Variants in XRCC4 observed in about 807,000 individuals in gnomAD.
The protein encoded by XRCC4 is DNA repair protein XRCC4.
XRCC4 carries 28 observed loss-of-function variants against 39.1 expected under a neutral mutation model. The observed-to-expected ratio is 0.72, with a 90% CI of 0.53 to 0.98. XRCC4 has a LOEUF of 0.98. Ranked by LOEUF, XRCC4 falls within the 50% of genes least tolerant of loss-of-function variation. The pLI, the probability that XRCC4 is intolerant of heterozygous loss-of-function variation, is 0.00. For synonymous variants in XRCC4, 123 were observed against 126.4 expected, an observed-to-expected ratio of 0.97 and a Z score of 0.18; for missense variants, 350 against 376.4, an observed-to-expected ratio of 0.93 and a Z score of 0.58.
intron 3 of XRCC4, among the ~76,000 whole-genome samples, chr5:83,173,852 T>G (rs1430234593): frequency 2.6e-5 from 4 of 152,202 alleles, no homozygotes; most frequent in African/African-American, 9.6e-5. Context: ...TACTTAGTAC[T>G]TAGAATCCCT....
chr5:83,199,003 T>C (rs972888359), intron 4 of XRCC4, among the ~76,000 whole-genome samples: 1 of 152,184 alleles, frequency 6.6e-6, no homozygotes, highest in Non-Finnish European at 1.5e-5. Flanking sequence ...CTCAGACCTC[T>C]ACTTAGAAAT....
chr5:83,250,012 A>AAAGC (rs1390118644), intron 6 of XRCC4, among the ~76,000 whole-genome samples: 13 of 152,178 alleles, frequency 8.5e-5, no homozygotes, highest in African/African-American at 3.1e-4. Flanking sequence ...AGTAAAATAA[A>AAAGC]AAGCAATGAA....
At chr5:83,130,429 C>A (rs1747511364) in intron 3 of XRCC4, among the ~76,000 whole-genome samples, 2 of 151,966 alleles carry the variant, frequency 1.3e-5, no homozygotes, top group Non-Finnish European at 2.9e-5. Flanking sequence ...CTAAAATTGT[C>A]TTTTTTTGGT....
chr5:83,142,224 A>T (rs891737217), intron 3 of XRCC4, among the ~76,000 whole-genome samples: 1 of 152,144 alleles, frequency 6.6e-6, no homozygotes, highest in Non-Finnish European at 1.5e-5. Context: ...GCTGTACGTG[A>T]TACTCTGCCC....
intron 7 of XRCC4, among the ~76,000 whole-genome samples, chr5:83,341,940 A>G (rs541452147): frequency 6.6e-6 from 1 of 152,308 alleles, no homozygotes; most frequent in Admixed American, 6.5e-5. Context: ...AGAGGCTTCT[A>G]GGCTAGTGAG....
chr5:83,356,919 G>A (rs571318080), downstream of XRCC4, among the ~76,000 whole-genome samples: 1 of 151,944 alleles, frequency 6.6e-6, no homozygotes, highest in Non-Finnish European at 1.5e-5. Context: ...CATTACAGAA[G>A]TTAATGAAAG....
intron 1 of XRCC4, among the ~76,000 whole-genome samples, chr5:83,094,498 C>G (rs73138171): frequency 6.6e-6 from 1 of 150,402 alleles, no homozygotes; most frequent in African/African-American, 2.5e-5. Context: ...CTCACTGATT[C>G]TTTCTTCAGC....
Position 83,094,083 on chromosome 5 carries a change from C to T in XRCC4, c.-10-10827C>T, listed in dbSNP as rs75217401. Among the ~76,000 whole-genome samples the T allele has an allele frequency of 3.0e-3, 449 of 152,110 alleles. 12 individuals carry two copies. The East Asian group carries it at 0.074, about 25-fold the overall frequency. On this transcript the variant is annotated intron_variant, in intron 1 of 7. Transcript: ENST00000396027. ...TGATAGTTTGATAATTACATGTTAT[C>T]GTCAACTCCTCTTTGGTTTGAATTT...
chr5:83,135,997 A>G (rs1747879594), intron 3 of XRCC4, among the ~76,000 whole-genome samples: 1 of 152,120 alleles, frequency 6.6e-6, no homozygotes, highest in Non-Finnish European at 1.5e-5. Flanking sequence ...GTATATTCCT[A>G]TACACTTTTG....
At chr5:83,237,216 C>A (rs1752724524) in intron 6 of XRCC4, among the ~76,000 whole-genome samples, 1 of 151,994 alleles carries the variant, frequency 6.6e-6, no homozygotes, top group Non-Finnish European at 1.5e-5. Flanking sequence ...TGGGTATATA[C>A]CTAAAAGAAA....
At chr5:83,208,482 G>C (rs910275839) in intron 6 of XRCC4, among the ~76,000 whole-genome samples, 6 of 152,038 alleles carry the variant, frequency 3.9e-5, no homozygotes, top group African/African-American at 1.4e-4. Flanking sequence ...TCCAGAAGTA[G>C]AGTAGGGGTA....
chr5:83,108,458 A>G (rs892706662), intron 2 of XRCC4, among the ~76,000 whole-genome samples: 2 of 151,936 alleles, frequency 1.3e-5, no homozygotes, highest in African/African-American at 4.8e-5. Context: ...AGTATTTATT[A>G]GGAGAGGAAA....
intron 6 of XRCC4, among the ~76,000 whole-genome samples, chr5:83,246,411 C>CT (rs1435390547): frequency 2.0e-5 from 3 of 152,018 alleles, no homozygotes; most frequent in African/African-American, 7.2e-5. Flanking sequence ...AAATTACAGA[C>CT]TTTTTTTAAG....
intron 6 of XRCC4, among the ~76,000 whole-genome samples, chr5:83,214,508 G>A (rs2112766509): frequency 6.6e-6 from 1 of 152,142 alleles, no homozygotes; most frequent in African/African-American, 2.4e-5. Flanking sequence ...AGGCCAGCCT[G>A]GGCAACATAG....
chr5:83,278,225 C>A (rs1280288534), intron 7 of XRCC4, among the ~76,000 whole-genome samples: 1 of 152,152 alleles, frequency 6.6e-6, no homozygotes, highest in Non-Finnish European at 1.5e-5. Context: ...ATGTACTAAC[C>A]AGATTGAAGC....
At position 83,115,490 on chromosome 5, in the gene XRCC4, C is replaced by T. The variant is rs578001774; in HGVS notation, c.315+4287C>T. On this transcript the variant is annotated intron_variant, in intron 3 of 7. Transcript: ENST00000396027. Reference sequence around the variant, plus strand: ...AGATTTGGGTGGGGACACAGCCAAACCATATCAGCCTGGATGGAGTACTTG... The same window carrying T: ...AGATTTGGGTGGGGACACAGCCAAATCATATCAGCCTGGATGGAGTACTTG... Among the ~76,000 whole-genome samples, 129 of 152,222 alleles carry T rather than the reference C, an allele frequency of 8.5e-4. No homozygotes were observed. In the Middle Eastern group the frequency reaches 0.01, roughly 12 times the overall value.
chr5:83,205,173 A>G (rs1487641985), intron 6 of XRCC4, among the ~76,000 whole-genome samples: 1 of 152,180 alleles, frequency 6.6e-6, no homozygotes, highest in Admixed American at 6.5e-5. Flanking sequence ...ATTCCTGGTT[A>G]AATATAACCA....
Position 83,195,902 on chromosome 5 carries a change from A to C in XRCC4, c.448A>C (p.Arg150=). Residue 150 remains arginine (R), a synonymous_variant, in exon 4 of 8, where the codon AGG becomes CGG. Coordinates refer to ENST00000396027, the MANE Select transcript of XRCC4 (RefSeq NM_003401.5). The stretch of plus-strand genomic sequence containing the variant: ...TGAGCACCTGCAGAAAGAAAATGAA[A>C]GGCTTCTGAGAGATTGGAATGATGT... The part of the protein sequence containing the change: ...KNEHLQKENE[R]LLRDWNDVQG... 6.2e-7 allele frequency: 1 copy of C among 1,611,426 alleles called. No homozygotes were observed. The highest frequency in any genetic ancestry group is 8.5e-7 in the Non-Finnish European group (1 of 1,178,614).
chr5:83,184,732 CAG>C lies in XRCC4; in HGVS notation c.316-11037_316-11036del, dbSNP rs370043651. 1.6e-3 allele frequency among the ~76,000 whole-genome samples: 248 copies of C among 152,210 alleles called. 1 individual carries two copies. The highest frequency in any genetic ancestry group is 5.0e-3 in the African/African-American group (206 of 41,542). On this transcript the variant is annotated intron_variant, in intron 3 of 7. Coordinates refer to ENST00000396027, the MANE Select transcript of XRCC4 (RefSeq NM_003401.5). Reference sequence around the variant, plus strand: ...GCAACAGAATCTACGCAACAGCAAACAGTGATCCCAGCCCCAGTTAGATTTTT... The same window carrying C: ...GCAACAGAATCTACGCAACAGCAAACTGATCCCAGCCCCAGTTAGATTTTT...
Sources: gnomAD v4.1 joint callset for allele counts (sites outside exome capture counted in the v4.1 genomes callset) on GRCh38, gnomAD v4.1.1 for gene constraint, MANE v1.5 for transcripts, NCBI Gene and HGNC (gene_info 2026-07-23, HGNC 2026-07-21) for gene names.